Variants in DGUOK observed in about 807,000 individuals in gnomAD.
DGUOK encodes the protein deoxyguanosine kinase, mitochondrial.
A neutral mutation model predicts 36.6 loss-of-function variants in DGUOK; 30 were observed. The observed-to-expected ratio is 0.82, with a 90% CI of 0.61 to 1.11. The LOEUF is 1.11. Among genes scored for constraint, DGUOK ranks in the 50% most tolerant of loss-of-function variants. The pLI is 0.00. For missense variants in DGUOK, 361 were observed against 336.4 expected (o/e 1.07, Z -0.57); for synonymous variants, 145 against 126.3 (o/e 1.15, Z -0.99).
At chr2:73,945,954 G>A in intron 2 of DGUOK, among the ~76,000 whole-genome samples, 1 of 151,932 alleles carries the variant, frequency 6.6e-6, no homozygotes, top group African/African-American at 2.4e-5. Context: ...ACTCGGCTGG[G>A]GTGGGGAGGA....
chr2:73,949,163 G>A (rs1682538976), intron 3 of DGUOK, among the ~76,000 whole-genome samples: 1 of 152,162 alleles, frequency 6.6e-6, no homozygotes, highest in South Asian at 2.1e-4. Context: ...TGTTGGCCAG[G>A]CTGGTCTCAA....
At chr2:73,958,306 G>A in intron 6 of DGUOK, 61 bp downstream of exon 6, 2 of 1,387,666 alleles carry the variant, frequency 1.4e-6, no homozygotes, top group Non-Finnish European at 2.0e-6. Flanking sequence ...TTATCTTTCT[G>A]GCCTTTGCTT....
intron 4 of DGUOK, among the ~76,000 whole-genome samples, chr2:73,951,298 TG>T (rs1682686839): frequency 6.6e-6 from 1 of 152,108 alleles, no homozygotes; most frequent in Non-Finnish European, 1.5e-5. Flanking sequence ...CCAGAGTCTC[TG>T]GAGATAGAAG....
chr2:73,956,485 C>T (rs1420372206), intron 4 of DGUOK, among the ~76,000 whole-genome samples: 3 of 152,038 alleles, frequency 2.0e-5, no homozygotes, highest in Admixed American at 6.5e-5. Context: ...GTACTACAGA[C>T]GGGTGGAGTG....
chr2:73,940,407 T>A (rs1232313905), intron 2 of DGUOK, among the ~76,000 whole-genome samples: 4 of 152,236 alleles, frequency 2.6e-5, no homozygotes, highest in Non-Finnish European at 5.9e-5. Context: ...TGCCATTTTT[T>A]TTTATTCCAA....
intron 4 of DGUOK, among the ~76,000 whole-genome samples, chr2:73,954,644 C>T (rs1682957231): frequency 6.6e-6 from 1 of 152,082 alleles, no homozygotes. Flanking sequence ...CAGGCCCTAC[C>T]TGGGACTGGC....
chr2:73,937,140 C>T (rs959378576), intron 1 of DGUOK, among the ~76,000 whole-genome samples: 2 of 152,178 alleles, frequency 1.3e-5, no homozygotes, highest in East Asian at 3.8e-4. Flanking sequence ...TCTTGCAGAC[C>T]ATGTTAAAGA....
intron 1 of DGUOK, among the ~76,000 whole-genome samples, chr2:73,935,436 AT>A (rs1182742538): frequency 3.3e-5 from 5 of 152,174 alleles, no homozygotes; most frequent in Non-Finnish European, 5.9e-5. Context: ...ATCTTGAAAC[AT>A]TTGTCAAAAC....
intron 3 of DGUOK, chr2:73,947,506 G>C: frequency 5.7e-6 from 1 of 175,472 alleles, no homozygotes; most frequent in South Asian, 1.2e-4. Context: ...ATCAGTGCCT[G>C]TGTCAGATCA....
At chr2:73,957,820 A>ATGTT (rs1368503104) in intron 5 of DGUOK, 2 of 354,268 alleles carry the variant, frequency 5.6e-6, no homozygotes, top group East Asian at 1.5e-4. Context: ...AGGGCTGAAA[A>ATGTT]TGTTAGAGAA....
chr2:73,950,767 C>A, intron 4 of DGUOK, 35 bp downstream of exon 4: 4 of 1,613,236 alleles, frequency 2.5e-6, no homozygotes, highest in Admixed American at 3.3e-5. Context: ...ACTTTAGGGC[C>A]ATATGAAACC....
Position 73,946,811 on chromosome 2 carries a change from G to C in DGUOK, c.348G>C (p.Leu116Phe), listed in dbSNP as rs774437024. ...WSYTFQTFSF[L>F]SRLKVQLEPF... ...ACACATTCCAGACATTTTCCTTTTT[G>C]AGCCGCCTGAAAGTACAGCTGGAGC... Residue 116 changes from leucine to phenylalanine, a missense_variant, in exon 3 of 7, where the codon TTG (leucine) becomes TTC (phenylalanine). Physicochemically the swap from Leu to Phe is conservative, Grantham distance 22. Coordinates refer to ENST00000264093, the MANE Select transcript of DGUOK (RefSeq NM_080916.3). The C allele has an allele frequency of 6.2e-7, 1 of 1,613,956 alleles. No individual in the cohort carries two copies. The highest frequency in any genetic ancestry group is 2.2e-5 in the East Asian group (1 of 44,882).
At chr2:73,937,483 G>A (rs1681557174) in intron 1 of DGUOK, among the ~76,000 whole-genome samples, 1 of 152,230 alleles carries the variant, frequency 6.6e-6, no homozygotes, top group South Asian at 2.1e-4. Context: ...ATGGAGGTGG[G>A]AATGGAGAGA....
chr2:73,957,335 G>A, intron 5 of DGUOK, 95 bp downstream of exon 5: 1 of 892,548 alleles, frequency 1.1e-6, no homozygotes, highest in Non-Finnish European at 1.8e-6. Flanking sequence ...CCTGTAGGAA[G>A]GTTCAGAATA....
rs529255811 is a variant in DGUOK, at chr2:73,944,983, C to T, written c.256-1736C>T. On this transcript the variant is annotated intron_variant, in intron 2 of 6. Coordinates refer to ENST00000264093, the MANE Select transcript of DGUOK (RefSeq NM_080916.3). ...TGCGGGGTCAGAAGGAGGGAAATCC[C>T]GAAAATACCTCTGAGTTAAATGCTT... 3.3e-5 allele frequency among the ~76,000 whole-genome samples: 5 copies of T among 152,166 alleles called. No individual in the cohort carries two copies. In the South Asian group the frequency reaches 6.2e-4, roughly 19 times the overall value.
intron 2 of DGUOK, 34 bp downstream of exon 2, chr2:73,939,056 C>T (rs775078204): frequency 7.5e-7 from 1 of 1,341,284 alleles, no homozygotes; most frequent in Non-Finnish European, 1.1e-6. Flanking sequence ...AGTTGGCAGG[C>T]ATGGGTGAAT....
At chr2:73,928,895 G>C (rs1422251814) in intron 1 of DGUOK, among the ~76,000 whole-genome samples, 7 of 152,170 alleles carry the variant, frequency 4.6e-5, no homozygotes, top group Non-Finnish European at 7.4e-5. Flanking sequence ...AACAAAAATT[G>C]AGTTACATTT....
chr2:73,956,231 G>A (rs886517821), intron 4 of DGUOK, among the ~76,000 whole-genome samples: 1 of 152,208 alleles, frequency 6.6e-6, no homozygotes, highest in African/African-American at 2.4e-5. Flanking sequence ...AGCGGGGGAG[G>A]AGAGTTAGTC....
At position 73,950,578 on chromosome 2, in the gene DGUOK, C is replaced by T; in HGVS notation, c.444-7C>T. The T allele has an allele frequency of 4.3e-6, 7 of 1,614,148 alleles. No homozygotes were observed. The highest frequency in any genetic ancestry group is 5.9e-6 in the Non-Finnish European group (7 of 1,180,008). The stretch of plus-strand genomic sequence containing the variant: ...GCCCTCCCCATTCCCATCCCACTTC[C>T]AACCAGGTATATCTTTGCAAAGAAT... On this transcript the variant is annotated splice_polypyrimidine_tract_variant and splice_region_variant and intron_variant, in intron 3 of 6. Coordinates refer to ENST00000264093, the MANE Select transcript of DGUOK (RefSeq NM_080916.3).
Sources: gnomAD v4.1 joint callset for allele counts (sites outside exome capture counted in the v4.1 genomes callset) on GRCh38, gnomAD v4.1.1 for gene constraint, MANE v1.5 for transcripts, NCBI Gene and HGNC (gene_info 2026-07-23, HGNC 2026-07-21) for gene names.